Variants in KCNN2 observed in about 807,000 individuals in gnomAD.
KCNN2 encodes the protein potassium calcium-activated channel subfamily N member 2, also known as small conductance calcium-activated potassium channel protein 2.
In KCNN2, 24 loss-of-function variants were observed where a neutral mutation model predicts 55.5. The observed-to-expected ratio is 0.43, with a 90% CI of 0.31 to 0.61. The LOEUF is 0.61. Among genes scored for constraint, KCNN2 ranks in the 20% least tolerant of loss-of-function variants. The pLI is 0.08. For missense variants in KCNN2, 754 were observed against 853.6 expected (o/e 0.88, Z 1.45); for synonymous variants, 431 against 336.1 (o/e 1.28, Z -3.09).
At chr5:114,416,707 T>C (rs925776040) in intron 3 of KCNN2, among the ~76,000 whole-genome samples, 1 of 152,196 alleles carries the variant, frequency 6.6e-6, no homozygotes, top group African/African-American at 2.4e-5. Flanking sequence ...AAATATACTG[T>C]TTCAGTTTAT....
chr5:114,376,786 T>G (rs533437802), intron 2 of KCNN2, among the ~76,000 whole-genome samples: 55 of 152,322 alleles, frequency 3.6e-4, no homozygotes, highest in Non-Finnish European at 7.1e-4. Flanking sequence ...GAACAGGTTT[T>G]AAAATCATCT....
intron 2 of KCNN2, among the ~76,000 whole-genome samples, chr5:114,376,446 G>A (rs746755624): frequency 1.3e-5 from 2 of 152,160 alleles, no homozygotes; most frequent in African/African-American, 4.8e-5. Flanking sequence ...TGGAGGGTGA[G>A]CAGAAGCCTC....
intron 2 of KCNN2, among the ~76,000 whole-genome samples, chr5:114,392,654 C>T (rs908762950): frequency 1.3e-5 from 2 of 152,054 alleles, no homozygotes; most frequent in African/African-American, 2.4e-5. Flanking sequence ...CTCAACGAGA[C>T]CATTGAAAAG....
At chr5:114,134,876 C>T (rs1752143313) in intron 1 of KCNN2, among the ~76,000 whole-genome samples, 1 of 152,144 alleles carries the variant, frequency 6.6e-6, no homozygotes, top group Admixed American at 6.5e-5. Flanking sequence ...GTACATTATT[C>T]AGGGTAGCTC....
chr5:114,345,625 T>G (rs1757091635), intron 2 of KCNN2, among the ~76,000 whole-genome samples: 1 of 152,122 alleles, frequency 6.6e-6, no homozygotes, highest in South Asian at 2.1e-4. Flanking sequence ...AAACATTAAT[T>G]ATGATGTGTG....
At position 114,086,253 on chromosome 5, in the gene KCNN2, CTGTT is replaced by C. The variant is rs1751013456; in HGVS notation, c.-271+29755_-271+29758del. ...TTTTAACTGGGATGATTAGTCCAATCTGTTTATTTATTTACTCATTTATTCTGTT... is the reference window on the plus strand; with the variant it reads ...TTTTAACTGGGATGATTAGTCCAATCTATTTATTTACTCATTTATTCTGTT... On this transcript the variant is annotated intron_variant, in intron 1 of 10. Transcript: ENST00000512097. Among the ~76,000 whole-genome samples, 4 of 152,016 alleles carry C rather than the reference CTGTT, an allele frequency of 2.6e-5. 1 individual carries two copies. In the South Asian group the frequency reaches 8.3e-4, roughly 32 times the overall value.
chr5:114,089,258 T>A (rs546304751), intron 1 of KCNN2, among the ~76,000 whole-genome samples: 2 of 152,338 alleles, frequency 1.3e-5, no homozygotes, highest in East Asian at 3.9e-4. Context: ...GCTTGATACT[T>A]TTGAGACTTA....
chr5:114,125,532 C>T (rs1751912339), intron 1 of KCNN2, among the ~76,000 whole-genome samples: 1 of 152,072 alleles, frequency 6.6e-6, no homozygotes, highest in Non-Finnish European at 1.5e-5. Flanking sequence ...CTACAACTTC[C>T]TAAAAAAAAT....
intron 1 of KCNN2, among the ~76,000 whole-genome samples, chr5:114,082,712 T>C (rs1179413964): frequency 6.6e-6 from 1 of 152,114 alleles, no homozygotes; most frequent in Non-Finnish European, 1.5e-5. Flanking sequence ...AAATGTGTTA[T>C]GTGCACACAA....
intron 2 of KCNN2, among the ~76,000 whole-genome samples, chr5:114,252,527 A>G (rs1754887201): frequency 6.6e-6 from 1 of 152,152 alleles, no homozygotes; most frequent in African/African-American, 2.4e-5. Context: ...ATTATATAAG[A>G]TGGAGCTTGC....
chr5:114,351,141 TA>T (rs1757197441), intron 2 of KCNN2, among the ~76,000 whole-genome samples: 1 of 151,850 alleles, frequency 6.6e-6, no homozygotes, highest in African/African-American at 2.4e-5. Flanking sequence ...AAATATTTTT[TA>T]CTTTCAGAGT....
chr5:114,249,270 TTTTC>T (rs1554077049), intron 2 of KCNN2, among the ~76,000 whole-genome samples: 1 of 95,576 alleles, frequency 1.0e-5, no homozygotes. Context: ...GTATATTTCT[TTTTC>T]TTTCTTTCTT....
chr5:114,232,146 G>T (rs1274394735), intron 2 of KCNN2, among the ~76,000 whole-genome samples: 2 of 150,846 alleles, frequency 1.3e-5, no homozygotes, highest in East Asian at 1.9e-4. Flanking sequence ...GCTTCACTTT[G>T]ATTGTTTCGA....
intron 2 of KCNN2, among the ~76,000 whole-genome samples, chr5:114,336,936 T>A (rs182559374): frequency 5.7e-4 from 87 of 152,240 alleles, no homozygotes; most frequent in Middle Eastern, 3.4e-3. Context: ...TTCTGGGCCA[T>A]GGTAAGAACT....
chr5:114,262,077 C>T (rs1016920971), intron 2 of KCNN2, among the ~76,000 whole-genome samples: 2 of 152,238 alleles, frequency 1.3e-5, no homozygotes. Context: ...ATACCCCAAA[C>T]CTAAAGAGAC....
At chr5:114,122,020 T>A (rs1489094577) in intron 1 of KCNN2, among the ~76,000 whole-genome samples, 1 of 152,264 alleles carries the variant, frequency 6.6e-6, no homozygotes, top group Non-Finnish European at 1.5e-5. Context: ...AATTATCATT[T>A]ACATTTTTGT....
chr5:114,320,250 A>C (rs1261885635), intron 2 of KCNN2, among the ~76,000 whole-genome samples: 1 of 152,098 alleles, frequency 6.6e-6, no homozygotes, highest in African/African-American at 2.4e-5. Flanking sequence ...CATGTCCCAG[A>C]CCTTTTTTTG....
intron 1 of KCNN2, among the ~76,000 whole-genome samples, chr5:114,120,520 G>A (rs1198802239): frequency 1.3e-5 from 2 of 152,160 alleles, no homozygotes; most frequent in African/African-American, 4.8e-5. Flanking sequence ...CATGTTATGG[G>A]AATTTGAGTC....
intron 1 of KCNN2, among the ~76,000 whole-genome samples, chr5:114,131,059 T>C (rs2112611725): frequency 6.6e-6 from 1 of 152,236 alleles, no homozygotes; most frequent in East Asian, 1.9e-4. Flanking sequence ...ACAGCGTTCT[T>C]TTTTTTTCTA....
Sources: allele counts gnomAD v4.1 joint callset (sites outside exome capture counted in the v4.1 genomes callset), GRCh38; gene constraint gnomAD v4.1.1; transcripts MANE v1.5; gene names NCBI Gene and HGNC (gene_info 2026-07-23, HGNC 2026-07-21).